The following GDF10 variants were observed in gnomAD, a reference collection of about 807,000 sequenced individuals.
GDF10 encodes the protein growth differentiation factor 10.
GDF10 carries 23 observed loss-of-function variants against 32.1 expected under a neutral mutation model. The ratio of observed to expected loss-of-function variants is 0.72; its 90% CI spans 0.52 to 1.02. GDF10 has a LOEUF of 1.02. Ranked by LOEUF, GDF10 falls within the 50% of genes least tolerant of loss-of-function variation. The pLI, the probability that GDF10 is intolerant of heterozygous loss-of-function variation, is 0.00. For missense variants in GDF10, 764 were observed against 673.9 expected (o/e 1.13, Z -1.48); for synonymous variants, 328 against 303.1 (o/e 1.08, Z -0.85).
chr10:47,303,420 C>T (rs1331719368), intron 1 of GDF10, among the ~76,000 whole-genome samples: 1 of 152,220 alleles, frequency 6.6e-6, no homozygotes, highest in Non-Finnish European at 1.5e-5. Context: ...CCCAATTCTG[C>T]GATCTGGGCA....
At chr10:47,308,611 G>A (rs191826809) in intron 1 of GDF10, among the ~76,000 whole-genome samples, 1 of 152,046 alleles carries the variant, frequency 6.6e-6, no homozygotes, top group East Asian at 1.9e-4. Context: ...GTGTGGCCCT[G>A]ACCCATGCCC....
chr10:47,310,109 G>T lies in GDF10; in HGVS notation c.633G>T (p.Lys211Asn). The T allele has an allele frequency of 6.2e-7, 1 of 1,609,614 alleles. No homozygotes were observed. The highest frequency in any genetic ancestry group is 8.5e-7 in the Non-Finnish European group (1 of 1,179,094). Reference sequence around the variant, plus strand: ...CCAAGGACATCTCCCCCATCGTCAAGGCGGCCCGCCGGGATGGCGAGCTGC... The same window carrying T: ...CCAAGGACATCTCCCCCATCGTCAATGCGGCCCGCCGGGATGGCGAGCTGC... ...WQAKDISPIV[K>N]AARRDGELLL... The change falls in exon 2 of 3, where the codon AAG becomes AAT. Residue 211 changes from lysine (K) to asparagine (N), a missense_variant. Lys to Asn is a moderately conservative substitution (Grantham distance 94). Coordinates refer to ENST00000580279, the MANE Select transcript of GDF10 (RefSeq NM_004962.5).
Position 47,309,953 on chromosome 10 carries a change from C to T in GDF10, c.477C>T (p.Gly159=). Residue 159 remains glycine (G), a synonymous_variant, in exon 2 of 3, where the codon GGC becomes GGT. Transcript: ENST00000580279. The part of the protein sequence containing the change: ...LCKPRAKNAS[G]RPLPLGPPTR... Reference sequence around the variant, plus strand: ...AGCCGCGGGCCAAGAACGCTTCAGGCCGCCCGCTGCCCCTGGGCCCGCCCA... The same window carrying T: ...AGCCGCGGGCCAAGAACGCTTCAGGTCGCCCGCTGCCCCTGGGCCCGCCCA... 1 of 1,612,310 alleles carries T rather than the reference C, an allele frequency of 6.2e-7. No homozygotes were observed. The highest frequency in any genetic ancestry group is 8.5e-7 in the Non-Finnish European group (1 of 1,179,522).
chr10:47,310,811 A>G (rs1030314255), intron 2 of GDF10, 90 bp downstream of exon 2: 11 of 856,866 alleles, frequency 1.3e-5, no homozygotes, highest in Non-Finnish European at 2.1e-5. Context: ...CTGTTTCCCC[A>G]TCTGCAAAAT....
intron 1 of GDF10, among the ~76,000 whole-genome samples, chr10:47,301,688 C>T (rs531451982): frequency 6.6e-6 from 1 of 152,220 alleles, no homozygotes; most frequent in Non-Finnish European, 1.5e-5. Context: ...GCAGCCTGCC[C>T]ACCTTTGCAG....
rs2061054823 is a variant in GDF10, at chr10:47,313,504, A to G, written c.*712A>G. 1 of 152,666 alleles carries G rather than the reference A, an allele frequency of 6.6e-6. No individual in the cohort carries two copies. The allele number at this position is 152,666 out of a possible 1,614,324, so 9.5% of individuals were successfully genotyped here. A position where few individuals can be genotyped will look rare whatever the true frequency, so the allele number is the denominator to read the frequency against. On this transcript the variant is annotated 3_prime_UTR_variant, in exon 3 of 3. Coordinates refer to ENST00000580279, the MANE Select transcript of GDF10 (RefSeq NM_004962.5). The stretch of plus-strand genomic sequence containing the variant: ...TATATTTTTGTAAATTATACTTTCT[A>G]TACTGTAGATTGTGTATGTTATGTG...
chr10:47,309,249 G>A (rs1197439222), intron 1 of GDF10, among the ~76,000 whole-genome samples: 7 of 152,206 alleles, frequency 4.6e-5, no homozygotes, highest in Non-Finnish European at 7.3e-5. Context: ...AAGCATGAGC[G>A]TTTATTTATT....
intron 2 of GDF10, among the ~76,000 whole-genome samples, chr10:47,311,416 C>T (rs1299904026): frequency 6.6e-6 from 1 of 152,232 alleles, no homozygotes; most frequent in African/African-American, 2.4e-5. Flanking sequence ...GCCCTCGGCA[C>T]TCAGCACACA....
intron 2 of GDF10, among the ~76,000 whole-genome samples, chr10:47,311,239 G>A (rs1374160610): frequency 2.6e-5 from 4 of 152,176 alleles, no homozygotes; most frequent in Non-Finnish European, 5.9e-5. Flanking sequence ...CAGGGAATAG[G>A]CCTTCACTGT....
At position 47,310,179 on chromosome 10, in the gene GDF10, C is replaced by T; in HGVS notation, c.703C>T (p.Pro235Ser). The change falls in exon 2 of 3, where the codon CCC becomes TCC. Residue 235 changes from proline (P) to serine (S), a missense_variant. Coordinates refer to ENST00000580279, the MANE Select transcript of GDF10 (RefSeq NM_004962.5). Reference sequence around the variant, plus strand: ...TTCTGAGGAGAGGGACCCGGGGGTGCCCCGGCCCAGCCCCTATGCGCCCTA... The same window carrying T: ...TTCTGAGGAGAGGGACCCGGGGGTGTCCCGGCCCAGCCCCTATGCGCCCTA... ...LDSEERDPGV[P>S]RPSPYAPYIL... is the part of the protein sequence containing the mutation. 6.2e-7 allele frequency: 1 copy of T among 1,611,608 alleles called. No individual in the cohort carries two copies. Among genetic ancestry groups the T allele is most frequent in the East Asian group, 2.2e-5 (1 of 44,834 alleles).
At chr10:47,308,360 T>G (rs1050619118) in intron 1 of GDF10, among the ~76,000 whole-genome samples, 30 of 152,082 alleles carry the variant, frequency 2.0e-4, no homozygotes, top group African/African-American at 7.0e-4. Context: ...CCTGGCAGGT[T>G]TGTTGTGAGG....
chr10:47,302,571 G>C (rs920802408), intron 1 of GDF10, among the ~76,000 whole-genome samples: 2 of 152,224 alleles, frequency 1.3e-5, no homozygotes, highest in Non-Finnish European at 2.9e-5. Context: ...TCACAGAAAG[G>C]GGGTAGTACA....
chr10:47,309,909 G>A lies in GDF10; in HGVS notation c.433G>A (p.Ala145Thr), dbSNP rs1253008980. 1.2e-6 allele frequency: 2 copies of A among 1,612,770 alleles called. No homozygotes were observed. Among genetic ancestry groups the A allele is most frequent in the East Asian group, 4.5e-5 (2 of 44,868 alleles). Reference sequence around the variant, plus strand: ...CTCAGAGCCGCCTCGGTGGCCTCGAGCGCTCGAGGTGCTATGCAAGCCGCG... The same window carrying A: ...CTCAGAGCCGCCTCGGTGGCCTCGAACGCTCGAGGTGCTATGCAAGCCGCG... ...FYSEPPRWPR[A>T]LEVLCKPRAK... is the part of the protein sequence containing the mutation. Residue 145 changes from alanine to threonine, a missense_variant, in exon 2 of 3, where the codon GCG becomes ACG. Transcript: ENST00000580279.
At chr10:47,307,213 G>A (rs1297991835) in intron 1 of GDF10, among the ~76,000 whole-genome samples, 3 of 152,072 alleles carry the variant, frequency 2.0e-5, no homozygotes, top group Admixed American at 6.6e-5. Context: ...CCTGGAGTAG[G>A]AGTTTTGCAA....
intron 1 of GDF10, among the ~76,000 whole-genome samples, chr10:47,308,210 TC>T (rs1403167588): frequency 6.6e-6 from 1 of 152,010 alleles, no homozygotes; most frequent in Non-Finnish European, 1.5e-5. Context: ...ATGGCCAGAG[TC>T]CCCTGGAGTG....
intron 1 of GDF10, among the ~76,000 whole-genome samples, chr10:47,305,456 C>G (rs146412532): frequency 6.6e-6 from 1 of 152,200 alleles, no homozygotes; most frequent in Non-Finnish European, 1.5e-5. Flanking sequence ...TGCATGGAAA[C>G]GGGCACTAAG....
chr10:47,303,734 G>A (rs1300316193), intron 1 of GDF10, among the ~76,000 whole-genome samples: 6 of 152,150 alleles, frequency 3.9e-5, no homozygotes, highest in African/African-American at 1.4e-4. Flanking sequence ...CCCACTGAAT[G>A]ACGTGTGTTT....
chr10:47,307,933 C>T (rs2607873), intron 1 of GDF10, among the ~76,000 whole-genome samples: 1 of 152,040 alleles, frequency 6.6e-6, no homozygotes, highest in African/African-American at 2.4e-5. Flanking sequence ...CTTCACTAGG[C>T]TGTTTCTGTG....
chr10:47,300,936 G>A lies in GDF10; in HGVS notation c.285G>A (p.Gly95=), dbSNP rs2061002699. 6.5e-7 allele frequency: 1 copy of A among 1,532,282 alleles called. No individual in the cohort carries two copies. Among genetic ancestry groups the A allele is most frequent in the Non-Finnish European group, 8.7e-7 (1 of 1,146,790 alleles). 94.9% of individuals were successfully genotyped at this position (1,532,282 alleles called of 1,614,324 possible). ...GCCGGCAGGGCGCGCGGCCGGGAGGGGGCAACACGGTCCGCAGCTTCAGGG... is the reference window on the plus strand; with the variant it reads ...GCCGGCAGGGCGCGCGGCCGGGAGGAGGCAACACGGTCCGCAGCTTCAGGG... ...KYSRQGARPG[G]GNTVRSFRAR... The change falls in exon 1 of 3, where the codon GGG becomes GGA. Residue 95 remains glycine, a synonymous_variant. Transcript: ENST00000580279.
Sources: allele counts gnomAD v4.1 joint callset (sites outside exome capture counted in the v4.1 genomes callset), GRCh38; gene constraint gnomAD v4.1.1; transcripts MANE v1.5; gene names NCBI Gene and HGNC (gene_info 2026-07-23, HGNC 2026-07-21).